IRX2: variants seen among roughly 807,000 people sequenced by gnomAD.
IRX2 encodes iroquois homeobox 2.
In IRX2, 26 loss-of-function variants were observed where a neutral mutation model predicts 42.9. That is an observed-to-expected ratio of 0.61 (90% CI 0.44 to 0.84). The LOEUF is 0.84. Ranked by LOEUF, IRX2 falls within the 40% of genes least tolerant of loss-of-function variation. IRX2 has a pLI of 0.00. For missense variants in IRX2, 782 were observed against 713.9 expected (o/e 1.10, Z -1.09); for synonymous variants, 424 against 353.9 (o/e 1.20, Z -2.22).
chr5:2,739,753 T>C, the IRX2 span, among the ~76,000 whole-genome samples: 64,397 of 152,056 alleles, frequency 0.42, 14,200 homozygotes, highest in South Asian at 0.6. Flanking sequence ...GCTGCGGGCC[T>C]GAGGCTGAGG....
Position 2,748,520 on chromosome 5 carries a change from C to T in IRX2, c.1188G>A (p.Gly396=), listed in dbSNP as rs148326536. 3.7e-5 allele frequency: 58 copies of T among 1,582,102 alleles called. No individual in the cohort carries two copies. In the African/African-American group the frequency reaches 6.2e-4, roughly 17 times the overall value. The change falls in exon 3 of 4, where the codon GGG becomes GGA. Residue 396 remains glycine, a synonymous_variant. Transcript: ENST00000302057. ...SPFYGNYTNY[G]NLNAALQGQG... is the part of the protein sequence containing the mutation. ...GGCCCTGCAGCGCCGCGTTCAAGTTCCCGTAGTTTGTGTAGTTGCCGTAGA... is the reference window on the plus strand; with the variant it reads ...GGCCCTGCAGCGCCGCGTTCAAGTTTCCGTAGTTTGTGTAGTTGCCGTAGA...
downstream of IRX2, among the ~76,000 whole-genome samples, chr5:2,743,662 T>C (rs1737594574): frequency 2.0e-5 from 3 of 152,198 alleles, no homozygotes; most frequent in South Asian, 6.2e-4. Context: ...AGCAAACTTC[T>C]ATCTTGGAGG....
At chr5:2,736,621 A>C in the IRX2 span, 5 of 152,238 alleles carry the variant, frequency 3.3e-5, no homozygotes, top group Admixed American at 6.5e-5. Context: ...TTTTTGAACC[A>C]CTATTGTCAA....
rs1056126885 is a variant in IRX2 at position 2,751,418 on chromosome 5, G to A, written c.-5C>T. Reference sequence around the variant, plus strand: ...GTAGCCCTGCGGGTAGGACATGGTGGGCGCGGGGCGCGGGGCCCGCGTCAC... The same window carrying A: ...GTAGCCCTGCGGGTAGGACATGGTGAGCGCGGGGCGCGGGGCCCGCGTCAC... On this transcript the variant is annotated 5_prime_UTR_variant, in exon 1 of 4. Coordinates refer to ENST00000302057, the MANE Select transcript of IRX2 (RefSeq NM_033267.5). This position sits in a 1 kb window ranked among gnomAD's most constrained non-coding sequence, Gnocchi z 4.0. The A allele has an allele frequency of 3.1e-6, 4 of 1,295,954 alleles. No individual in the cohort carries two copies. Among genetic ancestry groups the A allele is most frequent in the Middle Eastern group, 3.0e-4 (1 of 3,324 alleles). 80.3% of individuals were successfully genotyped at this position (1,295,954 alleles called of 1,614,324 possible). A position where few individuals can be genotyped will look rare whatever the true frequency, so the allele number is the denominator to read the frequency against.
chr5:2,751,257 C>T lies in IRX2; in HGVS notation c.157G>A (p.Ala53Thr). 7.1e-7 allele frequency: 1 copy of T among 1,406,034 alleles called. No individual in the cohort carries two copies. Among genetic ancestry groups the T allele is most frequent in the Non-Finnish European group, 9.3e-7 (1 of 1,079,214 alleles). 87.1% of individuals were successfully genotyped at this position (1,406,034 alleles called of 1,614,324 possible). Residue 53 changes from alanine (A) to threonine (T), a missense_variant, in exon 1 of 4, where the codon GCC (alanine) becomes ACC (threonine). Ala to Thr is a moderately conservative substitution (Grantham distance 58). This residue lies in a region of IRX2 where 256 missense variants were observed against 250.0 expected (regional missense o/e 1.02). Transcript: ENST00000302057. The surrounding 1 kb of genome is among the most constrained non-coding windows in gnomAD (Gnocchi z 4.0). ...CCGGTGGCCGCCTGCGCCGTGAAGG[C>T]CGCCGAGCCCGGGTAGGGGCTGAAC... ...SAFSPYPGSAAFTAQAATGFG... is the reference protein window; with the variant it reads ...SAFSPYPGSATFTAQAATGFG...
rs990668330 is a variant in IRX2, at chr5:2,747,442, T to C, written c.*122A>G. On this transcript the variant is annotated 3_prime_UTR_variant, in exon 4 of 4. Transcript: ENST00000302057. ...AAAGCTGGACAAGATTGAAATGCTC[T>C]GTCTTCTAACCCCATGACCAGAAGC... The C allele has an allele frequency of 4.1e-6, 3 of 726,236 alleles. No individual in the cohort carries two copies. Among genetic ancestry groups the C allele is most frequent in the Non-Finnish European group, 7.0e-6 (3 of 425,964 alleles). The allele number at this position is 726,236 out of a possible 1,614,324, so 45.0% of individuals were successfully genotyped here. A position where few individuals can be genotyped will look rare whatever the true frequency, so the allele number is the denominator to read the frequency against.
downstream of IRX2, among the ~76,000 whole-genome samples, chr5:2,742,245 T>C (rs187778073): frequency 1.4e-4 from 22 of 152,286 alleles, no homozygotes; most frequent in Admixed American, 4.6e-4. Context: ...TCCAAGTGCA[T>C]ATTGTTGAAA....
Position 2,748,456 on chromosome 5 carries a change from C to CG in IRX2, c.1251dup (p.Gly418ArgfsTer94). ...TTTGGCGCGGTGTGCAGGGCCTCGC[C>CG]GGGGGCCGCGGCCGCAGAGTTGTAC... On this transcript the variant is annotated frameshift_variant, in exon 3 of 4. Coordinates refer to ENST00000302057, the MANE Select transcript of IRX2 (RefSeq NM_033267.5). LOFTEE classifies it high-confidence loss of function. 2 of 1,569,166 alleles carry CG rather than the reference C, an allele frequency of 1.3e-6. No individual in the cohort carries two copies.
chr5:2,748,530 G>C lies in IRX2; in HGVS notation c.1178C>G (p.Thr393Arg). 1.3e-6 allele frequency: 2 copies of C among 1,580,076 alleles called. No individual in the cohort carries two copies. The highest frequency in any genetic ancestry group is 1.7e-6 in the Non-Finnish European group (2 of 1,164,478). ...CGCCGCGTTCAAGTTCCCGTAGTTT[G>C]TGTAGTTGCCGTAGAAGGGCGACGT... ...YYTSPFYGNY[T>R]NYGNLNAALQ... is the part of the protein sequence containing the mutation. The change falls in exon 3 of 4, where the codon ACA becomes AGA. Residue 393 changes from threonine to arginine, a missense_variant. Physicochemically the swap from Thr to Arg is moderately conservative, Grantham distance 71 (BLOSUM62 -1). Coordinates refer to ENST00000302057, the MANE Select transcript of IRX2 (RefSeq NM_033267.5).
At chr5:2,738,380 AAC>A in the IRX2 span, among the ~76,000 whole-genome samples, 1 of 152,202 alleles carries the variant, frequency 6.6e-6, no homozygotes, top group Non-Finnish European at 1.5e-5. Context: ...AGCATTATAA[AAC>A]AAATTGTTTT....
chr5:2,751,333 A>T lies in IRX2; in HGVS notation c.81T>A (p.Ala27=). The change falls in exon 1 of 4, where the codon GCT becomes GCA. Residue 27 remains alanine, a synonymous_variant. Transcript: ENST00000302057. This position sits in a 1 kb window ranked among gnomAD's most constrained non-coding sequence, Gnocchi z 4.0. ...GCTCCTCGCTGCGCGGAGCCGCCAAAGCCGACGCGCCGTAGGCCGGGCACG... is the reference window on the plus strand; with the variant it reads ...GCTCCTCGCTGCGCGGAGCCGCCAATGCCGACGCGCCGTAGGCCGGGCACG... ...LYSCPAYGAS[A]LAAPRSEELA... is the part of the protein sequence containing the mutation. 6.9e-7 allele frequency: 1 copy of T among 1,439,320 alleles called. No homozygotes were observed. Among genetic ancestry groups the T allele is most frequent in the Non-Finnish European group, 9.1e-7 (1 of 1,096,692 alleles). 89.2% of individuals were successfully genotyped at this position (1,439,320 alleles called of 1,614,324 possible).
rs751032410 is a variant in IRX2, at chr5:2,751,181, CCGG to C, written c.230_232del (p.Ala77del). 7.7e-4 allele frequency: 966 copies of C among 1,261,730 alleles called. No individual in the cohort carries two copies. Among genetic ancestry groups the C allele is most frequent in the South Asian group, 3.9e-3 (154 of 39,268 alleles). The allele number at this position is 1,261,730 out of a possible 1,614,324, so 78.2% of individuals were successfully genotyped here. A position where few individuals can be genotyped will look rare whatever the true frequency, so the allele number is the denominator to read the frequency against. On this transcript the variant is annotated inframe_deletion, in exon 1 of 4. Coordinates refer to ENST00000302057, the MANE Select transcript of IRX2 (RefSeq NM_033267.5). This position sits in a 1 kb window ranked among gnomAD's most constrained non-coding sequence, Gnocchi z 4.0. ...CCCGGTTACCATGTAGGACGGGAAG[CCGG>C]CGGCGGCGGCGGCGGCGTCGGCCGA...
At position 2,749,469 on chromosome 5, in the gene IRX2, C is replaced by T; in HGVS notation, c.568G>A (p.Asp190Asn). 1 of 1,614,222 alleles carries T rather than the reference C, an allele frequency of 6.2e-7. No individual in the cohort carries two copies. Among genetic ancestry groups the T allele is most frequent in the Non-Finnish European group, 8.5e-7 (1 of 1,180,036 alleles). The change falls in exon 2 of 4, where the codon GAC (aspartate) becomes AAC (asparagine). Residue 190 changes from aspartate (D) to asparagine (N), a missense_variant. Around this residue, in one of 3 missense-constraint regions of IRX2, gnomAD observed 520 missense variants for 437.8 expected, o/e 1.19. Transcript: ENST00000302057. Reference sequence around the variant, plus strand: ...CTGGTAGCGTCGCCCTCGTCCTCGTCCTCATCTTCGCTTTTGTTTCTCGGG... The same window carrying T: ...CTGGTAGCGTCGCCCTCGTCCTCGTTCTCATCTTCGCTTTTGTTTCTCGGG... ...WAPRNKSEDE[D>N]EDEGDATRSK...
chr5:2,745,791 T>G (rs901160687), downstream of IRX2: 6 of 152,138 alleles, frequency 3.9e-5, no homozygotes, highest in Non-Finnish European at 5.9e-5. Context: ...ATTCTCCAGT[T>G]TGGTTTACTG....
At chr5:2,750,616 G>C (rs1281676146) in intron 1 of IRX2, among the ~76,000 whole-genome samples, 1 of 152,224 alleles carries the variant, frequency 6.6e-6, no homozygotes. Context: ...GCTGGACAGA[G>C]TAAGGCCGAA....
At chr5:2,747,782 T>C (rs571310217) in intron 3 of IRX2, among the ~76,000 whole-genome samples, 166 bp from the exon 4 acceptor site, 15 of 152,356 alleles carry the variant, frequency 9.8e-5, no homozygotes, top group African/African-American at 3.6e-4. Flanking sequence ...CCCTAGTTCT[T>C]AACTTCCCCC....
chr5:2,741,697 G>A (rs1446417065), downstream of IRX2, among the ~76,000 whole-genome samples: 1 of 152,178 alleles, frequency 6.6e-6, no homozygotes, highest in Non-Finnish European at 1.5e-5. Context: ...AAAAATGCGA[G>A]TGCTTGTGTA....
Position 2,747,140 on chromosome 5 carries a change from G to A in IRX2, c.*424C>T, listed in dbSNP as rs1737696789. ...TCATCAAAGCATGTGTCTATTATGT[G>A]TCTAGCATAGTAAAAATGGCTCTAA... On this transcript the variant is annotated 3_prime_UTR_variant, in exon 4 of 4. Coordinates refer to ENST00000302057, the MANE Select transcript of IRX2 (RefSeq NM_033267.5). The A allele has an allele frequency of 1.3e-5, 2 of 152,132 alleles. No individual in the cohort carries two copies. Among genetic ancestry groups the A allele is most frequent in the African/African-American group, 4.8e-5 (2 of 41,390 alleles). The allele number at this position is 152,132 out of a possible 1,614,324, so 9.4% of individuals were successfully genotyped here.
intron 3 of IRX2, 115 bp downstream of exon 3, chr5:2,748,230 G>A: frequency 2.1e-6 from 2 of 964,758 alleles, no homozygotes; most frequent in Non-Finnish European, 2.8e-6. Flanking sequence ...CTGGGTCCCA[G>A]GAGTGGCCCC....
Sources: allele counts gnomAD v4.1 joint callset (sites outside exome capture counted in the v4.1 genomes callset), GRCh38; gene constraint gnomAD v4.1.1; regional missense constraint gnomAD v4.1.1; non-coding constraint Gnocchi (gnomAD v3.1); transcripts MANE v1.5; gene names NCBI Gene and HGNC (gene_info 2026-07-23, HGNC 2026-07-21).